Variants in PDE4B observed in about 807,000 individuals in gnomAD.
The protein encoded by PDE4B is phosphodiesterase 4B.
A neutral mutation model predicts 82.2 loss-of-function variants in PDE4B; 20 were observed. The ratio of observed to expected loss-of-function variants is 0.24; its 90% CI spans 0.17 to 0.35. PDE4B has a LOEUF of 0.35. Among genes scored for constraint, PDE4B ranks in the 10% least tolerant of loss-of-function variants. The pLI is 1.00. For synonymous variants in PDE4B, 320 were observed against 318.9 expected, an observed-to-expected ratio of 1.00 and a Z score of -0.04; for missense variants, 655 against 907.2, an observed-to-expected ratio of 0.72 and a Z score of 3.57.
At chr1:66,254,100 C>CT (rs1654000742) in intron 4 of PDE4B, among the ~76,000 whole-genome samples, 1 of 152,164 alleles carries the variant, frequency 6.6e-6, no homozygotes, top group Non-Finnish European at 1.5e-5. Context: ...CTCTGGAAAT[C>CT]CGGGAGTCAT....
intron 7 of PDE4B, among the ~76,000 whole-genome samples, chr1:66,289,324 CA>C (rs1656904619): frequency 6.6e-6 from 1 of 151,884 alleles, no homozygotes; most frequent in Admixed American, 6.6e-5. Flanking sequence ...GAGGGAGAGA[CA>C]GACTATAAAC....
At chr1:66,225,996 C>T (rs1651423269) in intron 3 of PDE4B, among the ~76,000 whole-genome samples, 1 of 152,222 alleles carries the variant, frequency 6.6e-6, no homozygotes, top group South Asian at 2.1e-4. Flanking sequence ...AATTCATTGT[C>T]ATTCTGCTTC....
In PDE4B at chr1:66,035,241, T is replaced by A. The variant is rs12070710; in HGVS notation, c.281+116406T>A. Among the ~76,000 whole-genome samples the A allele has an allele frequency of 6.6e-3, 1,006 of 151,550 alleles. 15 individuals carry two copies. Among genetic ancestry groups the A allele is most frequent in the African/African-American group, 0.023 (934 of 41,056 alleles). The stretch of plus-strand genomic sequence containing the variant: ...TATATTTATGGGGTATAATGTGATG[T>A]TTTGACACATGTTTAGATTGTGGAA... On this transcript the variant is annotated intron_variant, in intron 3 of 16. Coordinates refer to ENST00000341517, the MANE Select transcript of PDE4B (RefSeq NM_002600.4).
chr1:65,854,675 T>C (rs911397486), intron 1 of PDE4B, among the ~76,000 whole-genome samples: 2 of 152,086 alleles, frequency 1.3e-5, no homozygotes, highest in Non-Finnish European at 2.9e-5. Flanking sequence ...ATATGAAGTG[T>C]GTGATATACT....
intron 3 of PDE4B, among the ~76,000 whole-genome samples, chr1:66,219,586 C>A (rs1424561343): frequency 6.6e-6 from 1 of 152,108 alleles, no homozygotes; most frequent in African/African-American, 2.4e-5. Flanking sequence ...TTGGATTCTG[C>A]ACCATGTTTT....
intron 3 of PDE4B, among the ~76,000 whole-genome samples, chr1:66,192,256 G>T (rs1647882510): frequency 6.6e-6 from 1 of 151,988 alleles, no homozygotes; most frequent in South Asian, 2.1e-4. Flanking sequence ...TGAAGATCAG[G>T]CAGATAAGCA....
At chr1:65,904,619 C>T (rs1028777722) in intron 1 of PDE4B, among the ~76,000 whole-genome samples, 1 of 151,976 alleles carries the variant, frequency 6.6e-6, no homozygotes, top group Non-Finnish European at 1.5e-5. Flanking sequence ...GTTTCTTGGC[C>T]CTGACCCATC....
chr1:66,153,256 C>G (rs1646438778), intron 3 of PDE4B, among the ~76,000 whole-genome samples: 1 of 152,148 alleles, frequency 6.6e-6, no homozygotes, highest in Admixed American at 6.5e-5. Context: ...CAGTGTCCAA[C>G]CCAGTTGTCA....
chr1:65,940,970 C>A (rs1648412569), intron 3 of PDE4B, among the ~76,000 whole-genome samples: 1 of 151,602 alleles, frequency 6.6e-6, no homozygotes, highest in Non-Finnish European at 1.5e-5. Context: ...ATGTACCCAC[C>A]ATATAGATTT....
At chr1:66,345,962 C>G (rs763516722) in intron 8 of PDE4B, among the ~76,000 whole-genome samples, 1 of 152,104 alleles carries the variant, frequency 6.6e-6, no homozygotes, top group African/African-American at 2.4e-5. Flanking sequence ...TTTGTTTGTT[C>G]GGTTGGCTTT....
chr1:65,871,322 CTAGTGACACA>C (rs1159980620), intron 1 of PDE4B, among the ~76,000 whole-genome samples: 1 of 152,122 alleles, frequency 6.6e-6, no homozygotes. Flanking sequence ...TCTTCATTCC[CTAGTGACACA>C]TAGTTCCTTT....
At chr1:65,984,241 C>T (rs980980956) in intron 3 of PDE4B, among the ~76,000 whole-genome samples, 1 of 152,158 alleles carries the variant, frequency 6.6e-6, no homozygotes, top group Admixed American at 6.5e-5. Context: ...AGTTTAAACG[C>T]TATATGATTC....
At chr1:66,167,819 A>T (rs1159265329) in intron 3 of PDE4B, among the ~76,000 whole-genome samples, 1 of 152,170 alleles carries the variant, frequency 6.6e-6, no homozygotes, top group Non-Finnish European at 1.5e-5. Flanking sequence ...CTCCTTATCC[A>T]ATATTCCTAG....
chr1:66,146,309 G>A (rs1158155312), intron 3 of PDE4B, among the ~76,000 whole-genome samples: 6 of 146,268 alleles, frequency 4.1e-5, no homozygotes, highest in African/African-American at 1.5e-4. Context: ...TCAGCCTCCC[G>A]AGTAGCTGGG....
intron 1 of PDE4B, among the ~76,000 whole-genome samples, chr1:65,870,231 G>A (rs1646557868): frequency 6.6e-6 from 1 of 152,096 alleles, no homozygotes; most frequent in African/African-American, 2.4e-5. Flanking sequence ...TGTGTAAAAG[G>A]TTTGCATAAC....
intron 1 of PDE4B, among the ~76,000 whole-genome samples, chr1:65,910,506 G>A (rs1235549982): frequency 6.6e-6 from 1 of 152,134 alleles, no homozygotes; most frequent in Admixed American, 6.6e-5. Context: ...GTATTAGTCA[G>A]GATCCTAGTA....
At chr1:66,333,372 T>A (rs1177529463) in intron 8 of PDE4B, among the ~76,000 whole-genome samples, 1 of 152,240 alleles carries the variant, frequency 6.6e-6, no homozygotes, top group Non-Finnish European at 1.5e-5. Flanking sequence ...ATTTATGTAG[T>A]GAGAGTTGTT....
At chr1:66,194,808 A>C (rs1648146845) in intron 3 of PDE4B, among the ~76,000 whole-genome samples, 1 of 151,992 alleles carries the variant, frequency 6.6e-6, no homozygotes, top group Non-Finnish European at 1.5e-5. Flanking sequence ...TTTCTTATTT[A>C]TTTTTGTATC....
At chr1:65,825,012 T>C (rs72685036) in intron 1 of PDE4B, among the ~76,000 whole-genome samples, 3,284 of 152,286 alleles carry the variant, frequency 0.022, 64 homozygotes, top group Non-Finnish European at 0.032. Flanking sequence ...CCAGTACCAT[T>C]TGGATCAGTA....
Sources: allele counts gnomAD v4.1 joint callset (sites outside exome capture counted in the v4.1 genomes callset), GRCh38; gene constraint gnomAD v4.1.1; transcripts MANE v1.5; gene names NCBI Gene and HGNC (gene_info 2026-07-23, HGNC 2026-07-21).